RER1: variants seen among roughly 807,000 people sequenced by gnomAD.
RER1 encodes retention in endoplasmic reticulum sorting receptor 1.
In RER1, 6 loss-of-function variants were observed where a neutral mutation model predicts 28.3. That is an observed-to-expected ratio of 0.21 (90% CI 0.12 to 0.42). The LOEUF is 0.42. Among genes scored for constraint, RER1 ranks in the 10% least tolerant of loss-of-function variants. The pLI is 1.00. For synonymous variants in RER1, 110 were observed against 95.9 expected, an observed-to-expected ratio of 1.15 and a Z score of -0.86; for missense variants, 159 against 252.9, an observed-to-expected ratio of 0.63 and a Z score of 2.52.
At chr1:2,397,738 G>T (rs1422615976) in intron 3 of RER1, among the ~76,000 whole-genome samples, 4 of 152,216 alleles carry the variant, frequency 2.6e-5, no homozygotes, top group Non-Finnish European at 4.4e-5. Flanking sequence ...GGTTTCCTTC[G>T]TGTGTTTTCG....
intron 3 of RER1, among the ~76,000 whole-genome samples, chr1:2,397,540 A>T (rs1356238428): frequency 6.6e-6 from 1 of 150,964 alleles, no homozygotes; most frequent in Admixed American, 6.6e-5. Context: ...GATGCTCAGG[A>T]CAAGGTTGCG....
At chr1:2,392,017 C>T (rs922603979) in intron 1 of RER1, 59 bp downstream of exon 1, 15 of 152,294 alleles carry the variant, frequency 9.8e-5, no homozygotes, top group African/African-American at 2.9e-4. Flanking sequence ...CCGCTTCTTC[C>T]GGGCTGTCAA....
intron 3 of RER1, 64 bp downstream of exon 3, chr1:2,397,284 G>C: frequency 9.4e-7 from 1 of 1,062,132 alleles, no homozygotes; most frequent in African/African-American, 1.6e-5. Context: ...GATGTTTGTG[G>C]GGATGTTGTT....
At chr1:2,400,775 G>A (rs1642835081) in intron 4 of RER1, 82 bp from the exon 5 acceptor site, 13 of 1,193,378 alleles carry the variant, frequency 1.1e-5, no homozygotes, top group South Asian at 2.4e-5. Context: ...AGGCCTGCTA[G>A]TCCAAAGCCT....
chr1:2,402,962 G>T, intron 6 of RER1, 73 bp from the exon 7 acceptor site: 1 of 1,281,528 alleles, frequency 7.8e-7, no homozygotes, highest in Non-Finnish European at 1.1e-6. Context: ...ACCTTTGGCC[G>T]CTCAGATTTG....
intron 6 of RER1, 36 bp downstream of exon 6, chr1:2,402,378 T>G: frequency 1.9e-6 from 3 of 1,613,384 alleles, no homozygotes; most frequent in Non-Finnish European, 2.5e-6. Context: ...CCGGCCGCAA[T>G]CGCTGTTCTG....
intron 3 of RER1, 102 bp downstream of exon 3, chr1:2,397,322 C>T (rs1570077673): frequency 2.6e-6 from 2 of 759,586 alleles, no homozygotes; most frequent in East Asian, 2.5e-5. Context: ...AGGAAGTGGT[C>T]TCTAGTAATC....
At chr1:2,401,926 G>T in intron 5 of RER1, 1 of 1,286,456 alleles carries the variant, frequency 7.8e-7, no homozygotes, top group Non-Finnish European at 1.0e-6. Context: ...CAGGCATGGG[G>T]CCCCCAGCCT....
At position 2,395,421 on chromosome 1, in the gene RER1, T is replaced by C. The variant is rs72924934; in HGVS notation, c.-7-363T>C. On this transcript the variant is annotated intron_variant, in intron 1 of 6. Transcript: ENST00000605895. The stretch of plus-strand genomic sequence containing the variant: ...GAGGGATCCACAGAGGGTGCGGTCC[T>C]TGGAGGGAGGACATGCAGTGCCACG... 6.5e-3 allele frequency: 1,980 copies of C among 306,820 alleles called. 55 individuals are homozygous for C. Among genetic ancestry groups the C allele is most frequent in the African/African-American group, 0.039 (1,832 of 46,558 alleles). 19.0% of individuals were successfully genotyped at this position (306,820 alleles called of 1,614,324 possible).
At chr1:2,394,148 AT>A (rs757862346) in intron 1 of RER1, 1 of 152,188 alleles carries the variant, frequency 6.6e-6, no homozygotes, top group Non-Finnish European at 1.5e-5. Context: ...TGTAGCCTCT[AT>A]TTAAATATGG....
Position 2,399,480 on chromosome 1 carries a change from T to G in RER1, c.252T>G (p.Ser84=), listed in dbSNP as rs778706833. Residue 84 remains serine, a synonymous_variant, in exon 4 of 7, where the codon TCT becomes TCG. Transcript: ENST00000605895. Reference sequence around the variant, plus strand: ...TAAATCTTTTCATAGCTTTTCTTTCTCCCAAAGTGGATCCTTCCTTAATGG... The same window carrying G: ...TAAATCTTTTCATAGCTTTTCTTTCGCCCAAAGTGGATCCTTCCTTAATGG... ...YHLNLFIAFL[S]PKVDPSLMED... 7 of 1,612,824 alleles carry G rather than the reference T, an allele frequency of 4.3e-6. No individual in the cohort carries two copies. In the Admixed American group the frequency reaches 1.2e-4, roughly 27 times the overall value.
intron 6 of RER1, among the ~76,000 whole-genome samples, chr1:2,402,822 G>A (rs72642191): frequency 3.3e-5 from 5 of 152,148 alleles, no homozygotes; most frequent in Admixed American, 6.5e-5. Flanking sequence ...GGAGGCTCAC[G>A]AAGCACTGGG....
intron 5 of RER1, among the ~76,000 whole-genome samples, 189 bp downstream of exon 5, chr1:2,401,124 C>G (rs1351972711): frequency 6.6e-6 from 1 of 152,024 alleles, no homozygotes; most frequent in East Asian, 1.9e-4. Flanking sequence ...CAAGTCAGCA[C>G]CAGTGCCCTG....
chr1:2,392,487 AATC>A (rs1345365012), intron 1 of RER1, among the ~76,000 whole-genome samples: 1 of 152,198 alleles, frequency 6.6e-6, no homozygotes, highest in Admixed American at 6.5e-5. Context: ...TAGGCAATAA[AATC>A]ATAAATTCTC....
chr1:2,397,073 G>C (rs752074332), intron 2 of RER1, 43 bp from the exon 3 acceptor site: 1 of 1,382,098 alleles, frequency 7.2e-7, no homozygotes, highest in Non-Finnish European at 1.0e-6. Flanking sequence ...CAGTACAGAA[G>C]TTACAGGACC....
rs868844283 is a variant in RER1 at position 2,405,346 on chromosome 1, C to T, written c.*2222C>T. The T allele has an allele frequency of 2.0e-4, 70 of 342,938 alleles. No individual in the cohort carries two copies. In the Middle Eastern group the frequency reaches 6.2e-3, roughly 30 times the overall value. 21.2% of individuals were successfully genotyped at this position (342,938 alleles called of 1,614,324 possible). On this transcript the variant is annotated 3_prime_UTR_variant, in exon 7 of 7. Transcript: ENST00000605895. Reference sequence around the variant, plus strand: ...CGCCAGCCTCCGTGCCCCACCCCACCCAGCACGCACTCATTCAGTCCATTG... The same window carrying T: ...CGCCAGCCTCCGTGCCCCACCCCACTCAGCACGCACTCATTCAGTCCATTG...
At position 2,402,317 on chromosome 1, in the gene RER1, G is replaced by C. The variant is rs1336498528; in HGVS notation, c.476G>C (p.Cys159Ser). The C allele has an allele frequency of 1.9e-6, 3 of 1,614,226 alleles. No individual in the cohort carries two copies. Among genetic ancestry groups the C allele is most frequent in the African/African-American group, 1.3e-5 (1 of 75,062 alleles). ...ILVMYFIMLF[C>S]ITMKRQIKHM... ...GTGATGTACTTCATCATGCTCTTCT[G>C]TATCACGATGAAGAGGCAAATCAAG... is the stretch of plus-strand genomic sequence containing the variant. The change falls in exon 6 of 7, where the codon TGT (cysteine) becomes TCT (serine). Residue 159 changes from cysteine (C) to serine (S), a missense_variant. Transcript: ENST00000605895.
At chr1:2,401,886 G>A in intron 5 of RER1, 2 of 740,246 alleles carry the variant, frequency 2.7e-6, no homozygotes, top group Non-Finnish European at 4.3e-6. Flanking sequence ...ACACAGCCTG[G>A]GTTTCTCTCC....
rs557941413 is a variant in RER1 at position 2,405,321 on chromosome 1, C to T, written c.*2197C>T. 1.5e-3 allele frequency: 499 copies of T among 330,406 alleles called. 5 individuals are homozygous for T. Among genetic ancestry groups the T allele is most frequent in the South Asian group, 0.012 (484 of 40,854 alleles). 20.5% of individuals were successfully genotyped at this position (330,406 alleles called of 1,614,324 possible). A position where few individuals can be genotyped will look rare whatever the true frequency, so the allele number is the denominator to read the frequency against. On this transcript the variant is annotated 3_prime_UTR_variant, in exon 7 of 7. Coordinates refer to ENST00000605895, the MANE Select transcript of RER1 (RefSeq NM_007033.5). ...TCTCACTGCACTGGCTGAAGCAACC[C>T]GCCAGCCTCCGTGCCCCACCCCACC... is the stretch of plus-strand genomic sequence containing the variant.
Sources: allele counts gnomAD v4.1 joint callset (sites outside exome capture counted in the v4.1 genomes callset), GRCh38; gene constraint gnomAD v4.1.1; transcripts MANE v1.5; gene names NCBI Gene and HGNC (gene_info 2026-07-23, HGNC 2026-07-21).